The following SNTB2 variants were observed in gnomAD, a reference collection of about 807,000 sequenced individuals.
SNTB2 encodes the protein syntrophin beta 2, also known as beta-2-syntrophin.
Under a neutral mutation model 46.2 loss-of-function variants are expected in SNTB2, and 34 were observed. That is an observed-to-expected ratio of 0.74 (90% CI 0.56 to 0.98). The LOEUF (loss-of-function observed/expected upper bound fraction) is 0.98. SNTB2 is among the 50% of genes least tolerant of loss of function. The probability of loss-of-function intolerance (pLI) is 0.00; values close to 1 mark genes in which losing one functional copy is unlikely to be tolerated. For missense variants in SNTB2, 603 were observed against 731.4 expected, an observed-to-expected ratio of 0.82 and a Z score of 2.02; for synonymous variants, 290 against 312.6, an observed-to-expected ratio of 0.93 and a Z score of 0.76.
At chr16:69,286,551 GAC>G (rs1965104175) in intron 5 of SNTB2, among the ~76,000 whole-genome samples, 1 of 151,836 alleles carries the variant, frequency 6.6e-6, no homozygotes, top group African/African-American at 2.4e-5. Context: ...TGGGAGTGGT[GAC>G]ACACATCTGT....
intron 1 of SNTB2, among the ~76,000 whole-genome samples, chr16:69,202,583 T>C (rs1352145884): frequency 6.6e-6 from 1 of 152,022 alleles, no homozygotes; most frequent in Non-Finnish European, 1.5e-5. Flanking sequence ...TTTTTTATTT[T>C]TTATTTTTTT....
intron 1 of SNTB2, chr16:69,235,670 C>A: frequency 8.1e-7 from 1 of 1,229,910 alleles, no homozygotes; most frequent in African/African-American, 1.6e-5. Flanking sequence ...AAAACCCTGG[C>A]ACCAATATGA....
Position 69,260,199 on chromosome 16 carries a change from G to T in SNTB2, c.944G>T (p.Gly315Val). The T allele has an allele frequency of 6.2e-7, 1 of 1,614,074 alleles. No individual in the cohort carries two copies. Among genetic ancestry groups the T allele is most frequent in the Non-Finnish European group, 8.5e-7 (1 of 1,180,004 alleles). ...QVLAELNAML[G>V]ATSTAGGSKE... ...TTGGCTGAACTCAACGCCATGCTTG[G>T]GGCAACCAGTACAGCAGGAGGCAGT... The change falls in exon 3 of 7, where the codon GGG becomes GTG. Residue 315 changes from glycine to valine, a missense_variant. Physicochemically the swap from Gly to Val is moderately radical, Grantham distance 109 (BLOSUM62 -3). Coordinates refer to ENST00000336278, the MANE Select transcript of SNTB2 (RefSeq NM_006750.4).
chr16:69,283,484 T>C (rs1965070168), intron 4 of SNTB2, among the ~76,000 whole-genome samples: 1 of 152,216 alleles, frequency 6.6e-6, no homozygotes, highest in Non-Finnish European at 1.5e-5. Flanking sequence ...AGATGAGATA[T>C]TCACTGCCTT....
At chr16:69,235,805 TAA>T (rs1283081585) in intron 1 of SNTB2, 3 of 1,289,254 alleles carry the variant, frequency 2.3e-6, no homozygotes, top group Admixed American at 2.3e-5. Context: ...GCTGCTGTAC[TAA>T]GTTTCTTCAA....
At chr16:69,193,975 A>G (rs1964081204) in intron 1 of SNTB2, among the ~76,000 whole-genome samples, 1 of 152,172 alleles carries the variant, frequency 6.6e-6, no homozygotes, top group South Asian at 2.1e-4. Context: ...TTCTTAATCT[A>G]TGTAGAATTT....
chr16:69,260,676 G>A (rs1443607298), intron 3 of SNTB2, among the ~76,000 whole-genome samples: 4 of 152,202 alleles, frequency 2.6e-5, no homozygotes, highest in African/African-American at 7.2e-5. Flanking sequence ...GTGTGACTGC[G>A]TTTCAGTAAA....
chr16:69,187,739 G>A lies in SNTB2; in HGVS notation c.573G>A (p.Leu191=). ...QALKRAGKEV[L]LEVKFIREVT... ...TGAAGCGCGCGGGCAAGGAGGTGCT[G>A]CTGGAGGGTGAGCGGGGCCGGGCGG... The change falls in exon 1 of 7, where the codon CTG becomes CTA. Residue 191 remains leucine (L), a synonymous_variant. Coordinates refer to ENST00000336278, the MANE Select transcript of SNTB2 (RefSeq NM_006750.4). 6.7e-7 allele frequency: 1 copy of A among 1,494,378 alleles called. No homozygotes were observed. Among genetic ancestry groups the A allele is most frequent in the Non-Finnish European group, 8.8e-7 (1 of 1,133,050 alleles). 92.6% of individuals were successfully genotyped at this position (1,494,378 alleles called of 1,614,324 possible).
chr16:69,292,743 A>T (rs958890618), intron 5 of SNTB2, among the ~76,000 whole-genome samples: 10 of 150,982 alleles, frequency 6.6e-5, no homozygotes, highest in Admixed American at 2.7e-4. Flanking sequence ...ATGAGCCACC[A>T]CGCCCGGCCG....
intron 1 of SNTB2, chr16:69,240,584 C>T (rs1409665400): frequency 6.6e-6 from 1 of 152,176 alleles, no homozygotes; most frequent in Non-Finnish European, 1.5e-5. Context: ...ATATTCCACT[C>T]TGAGAATAAT....
At chr16:69,220,588 C>T (rs986795668) in intron 1 of SNTB2, among the ~76,000 whole-genome samples, 9 of 151,700 alleles carry the variant, frequency 5.9e-5, no homozygotes, top group Non-Finnish European at 1.2e-4. Flanking sequence ...AGTGCGGTGG[C>T]ACAATCATAG....
intron 4 of SNTB2, among the ~76,000 whole-genome samples, chr16:69,277,287 A>G (rs1309201262): frequency 1.3e-5 from 2 of 152,214 alleles, no homozygotes; most frequent in Non-Finnish European, 2.9e-5. Context: ...TGAGCTTGAC[A>G]GCTTCTCAGT....
intron 5 of SNTB2, 123 bp from the exon 6 acceptor site, chr16:69,299,467 C>A: frequency 1.1e-6 from 1 of 922,830 alleles, no homozygotes; most frequent in Non-Finnish European, 1.6e-6. Context: ...AGTTTCCATA[C>A]AGGTTAGGTA....
intron 4 of SNTB2, among the ~76,000 whole-genome samples, chr16:69,272,448 A>T (rs1435699503): frequency 2.7e-5 from 4 of 149,982 alleles, no homozygotes; most frequent in Non-Finnish European, 5.9e-5. Context: ...GCTGAGGCAG[A>T]AGAATTGCCT....
At chr16:69,232,657 G>A (rs545177209) in intron 1 of SNTB2, among the ~76,000 whole-genome samples, 42 of 151,084 alleles carry the variant, frequency 2.8e-4, no homozygotes, top group African/African-American at 8.5e-4. Flanking sequence ...GACTACAGGC[G>A]TGCGCCAACA....
intron 1 of SNTB2, among the ~76,000 whole-genome samples, chr16:69,211,818 C>T (rs533100434): frequency 5.9e-5 from 9 of 152,280 alleles, no homozygotes; most frequent in Admixed American, 3.3e-4. Flanking sequence ...GTGAGATATA[C>T]GTTGTGTCCT....
intron 1 of SNTB2, among the ~76,000 whole-genome samples, chr16:69,192,548 C>A (rs556718348): frequency 6.6e-6 from 1 of 152,320 alleles, no homozygotes; most frequent in African/African-American, 2.4e-5. Context: ...TATCTGGTCA[C>A]ATGGAATGAG....
chr16:69,213,270 G>GT (rs1964307833), intron 1 of SNTB2, among the ~76,000 whole-genome samples: 1 of 152,086 alleles, frequency 6.6e-6, no homozygotes. Flanking sequence ...AGTAAAAGGG[G>GT]TGATTTCATG....
At chr16:69,265,552 G>C (rs139463386) in intron 3 of SNTB2, among the ~76,000 whole-genome samples, 1 of 152,048 alleles carries the variant, frequency 6.6e-6, no homozygotes, top group Non-Finnish European at 1.5e-5. Flanking sequence ...TTGGAGGCCC[G>C]GAGTGGTGGC....
Sources: gnomAD v4.1 joint callset for allele counts (sites outside exome capture counted in the v4.1 genomes callset) on GRCh38, gnomAD v4.1.1 for gene constraint, MANE v1.5 for transcripts, NCBI Gene and HGNC (gene_info 2026-07-23, HGNC 2026-07-21) for gene names.